The following KCNQ5 variants were observed in gnomAD, a reference collection of about 807,000 sequenced individuals.
KCNQ5 encodes the protein potassium voltage-gated channel subfamily KQT member 5.
Under a neutral mutation model 98.2 loss-of-function variants are expected in KCNQ5, and 30 were observed. That is an observed-to-expected ratio of 0.31 (90% CI 0.23 to 0.41). The LOEUF (loss-of-function observed/expected upper bound fraction) is 0.41, where lower values mean the gene tolerates loss of function less well. Ranked by LOEUF, KCNQ5 falls within the 10% of genes least tolerant of loss-of-function variation. The pLI is 1.00. For missense variants in KCNQ5, 835 were observed against 1,182.5 expected (o/e 0.71, Z 4.31); for synonymous variants, 458 against 449.4 (o/e 1.02, Z -0.24).
intron 1 of KCNQ5, among the ~76,000 whole-genome samples, chr6:72,637,279 C>G (rs764924015): frequency 6.6e-6 from 1 of 151,562 alleles, no homozygotes; most frequent in Non-Finnish European, 1.5e-5. Flanking sequence ...AATGAAGTGT[C>G]TGTTTATTTT....
chr6:73,135,158 C>A (rs976742552), intron 10 of KCNQ5: 6 of 151,890 alleles, frequency 4.0e-5, no homozygotes, highest in African/African-American at 1.5e-4. Flanking sequence ...AGAAATGATG[C>A]TCTAAATTAA....
intron 10 of KCNQ5, among the ~76,000 whole-genome samples, chr6:73,161,520 G>A (rs1777614680): frequency 6.6e-6 from 1 of 152,176 alleles, no homozygotes; most frequent in South Asian, 2.1e-4. Flanking sequence ...ATGATGGATA[G>A]CCCAAGTACA....
chr6:73,058,117 T>C (rs563881680), intron 3 of KCNQ5, among the ~76,000 whole-genome samples: 2 of 152,120 alleles, frequency 1.3e-5, no homozygotes, highest in Non-Finnish European at 2.9e-5. Flanking sequence ...GGCTTAAACA[T>C]AAAACCTAAA....
intron 1 of KCNQ5, among the ~76,000 whole-genome samples, chr6:72,781,604 G>A (rs556158395): frequency 1.6e-4 from 25 of 152,138 alleles, no homozygotes; most frequent in Admixed American, 9.8e-4. Context: ...ATTCCCTGGG[G>A]CAAATCTTGT....
chr6:73,079,829 C>T (rs1169372711), intron 5 of KCNQ5, among the ~76,000 whole-genome samples: 1 of 152,168 alleles, frequency 6.6e-6, no homozygotes, highest in Non-Finnish European at 1.5e-5. Flanking sequence ...ATGGGATAAA[C>T]TGTAAACTGA....
chr6:72,734,206 T>C (rs9293902), intron 1 of KCNQ5, among the ~76,000 whole-genome samples: 56,865 of 152,154 alleles, frequency 0.37, 14,120 homozygotes, highest in African/African-American at 0.68. Flanking sequence ...TGTGATTTCC[T>C]TCTCAAGTTC....
chr6:72,784,288 C>G (rs1032633554), intron 1 of KCNQ5, among the ~76,000 whole-genome samples: 2 of 152,066 alleles, frequency 1.3e-5, no homozygotes, highest in Non-Finnish European at 2.9e-5. Flanking sequence ...AAAACCTTCC[C>G]TAGATTCCAA....
At chr6:72,873,956 A>G (rs1778310849) in intron 1 of KCNQ5, among the ~76,000 whole-genome samples, 1 of 152,050 alleles carries the variant, frequency 6.6e-6, no homozygotes, top group Non-Finnish European at 1.5e-5. Flanking sequence ...TCAGTGATAT[A>G]TAAACTCTGG....
intron 1 of KCNQ5, among the ~76,000 whole-genome samples, chr6:72,970,038 T>A (rs893244474): frequency 6.6e-6 from 1 of 152,068 alleles, no homozygotes; most frequent in African/African-American, 2.4e-5. Flanking sequence ...GTGGGAGGAT[T>A]CCTTGAGGCC....
intron 1 of KCNQ5, among the ~76,000 whole-genome samples, chr6:72,818,939 CT>C (rs1168801803): frequency 6.6e-6 from 1 of 151,640 alleles, no homozygotes; most frequent in Non-Finnish European, 1.5e-5. Flanking sequence ...CATACATATG[CT>C]TTGTTAGACA....
intron 3 of KCNQ5, among the ~76,000 whole-genome samples, chr6:73,057,786 T>A (rs1772591231): frequency 6.6e-6 from 1 of 152,124 alleles, no homozygotes; most frequent in Non-Finnish European, 1.5e-5. Context: ...AAAGCCTGAA[T>A]AGCCAAGGCA....
chr6:72,645,966 A>G (rs1176415872), intron 1 of KCNQ5, among the ~76,000 whole-genome samples: 1 of 152,080 alleles, frequency 6.6e-6, no homozygotes, highest in African/African-American at 2.4e-5. Flanking sequence ...CCCCCCAGGT[A>G]CTTCATGTGA....
rs562113637 is a variant in KCNQ5, at chr6:72,695,079, A to T, written c.398+72492A>T. 3.3e-5 allele frequency among the ~76,000 whole-genome samples: 5 copies of T among 152,262 alleles called. No homozygotes were observed. In the South Asian group the frequency reaches 1.0e-3, roughly 32 times the overall value. On this transcript the variant is annotated intron_variant, in intron 1 of 13. Coordinates refer to ENST00000370398, the MANE Select transcript of KCNQ5 (RefSeq NM_019842.4). The stretch of plus-strand genomic sequence containing the variant: ...GGCTGTGTAGCATTCCATGATATAT[A>T]TACATATACCACATTTTCTTTATCC...
intron 1 of KCNQ5, among the ~76,000 whole-genome samples, chr6:72,953,955 G>T (rs1463879920): frequency 6.6e-6 from 1 of 152,050 alleles, no homozygotes; most frequent in Non-Finnish European, 1.5e-5. Context: ...TTTCCCTGGG[G>T]TGACTTATGA....
chr6:73,062,048 G>A (rs1772805151), intron 3 of KCNQ5, among the ~76,000 whole-genome samples: 1 of 152,138 alleles, frequency 6.6e-6, no homozygotes, highest in South Asian at 2.1e-4. Flanking sequence ...GTAAATGGAA[G>A]GAGCAAGAAC....
At chr6:73,180,011 GAAT>G (rs1582496583) in intron 11 of KCNQ5, among the ~76,000 whole-genome samples, 2 of 152,310 alleles carry the variant, frequency 1.3e-5, no homozygotes, top group East Asian at 1.9e-4. Flanking sequence ...ATGAATGAAT[GAAT>G]GAATGAATGG....
intron 10 of KCNQ5, among the ~76,000 whole-genome samples, chr6:73,156,996 TC>T (rs1264800956): frequency 6.6e-6 from 1 of 152,066 alleles, no homozygotes; most frequent in African/African-American, 2.4e-5. Context: ...GGCTCGGGCC[TC>T]CCTGAAGCGT....
intron 1 of KCNQ5, chr6:72,630,643 A>G (rs1226939605): frequency 6.6e-6 from 1 of 152,132 alleles, no homozygotes. Context: ...TAATCTATAA[A>G]ATAGAAATAA....
chr6:72,812,216 T>C (rs542848842), intron 1 of KCNQ5, among the ~76,000 whole-genome samples: 26 of 152,282 alleles, frequency 1.7e-4, no homozygotes, highest in African/African-American at 6.3e-4. Flanking sequence ...TTATGACCTG[T>C]ATCTTATGAT....
Sources: allele counts gnomAD v4.1 joint callset (sites outside exome capture counted in the v4.1 genomes callset), GRCh38; gene constraint gnomAD v4.1.1; transcripts MANE v1.5; gene names NCBI Gene and HGNC (gene_info 2026-07-23, HGNC 2026-07-21).